The following PPARGC1A variants were observed in gnomAD, a reference collection of about 807,000 sequenced individuals.
PPARGC1A encodes the protein PPARG coactivator 1 alpha, also known as peroxisome proliferator-activated receptor gamma coactivator 1-alpha.
A neutral mutation model predicts 88.7 loss-of-function variants in PPARGC1A; 25 were observed. The ratio of observed to expected loss-of-function variants is 0.28; its 90% CI spans 0.21 to 0.39. PPARGC1A has a LOEUF of 0.39. Ranked by LOEUF, PPARGC1A falls within the 10% of genes least tolerant of loss-of-function variation. PPARGC1A has a pLI of 1.00. For synonymous variants in PPARGC1A, 363 were observed against 355.6 expected, an observed-to-expected ratio of 1.02 and a Z score of -0.24; for missense variants, 880 against 968.7, an observed-to-expected ratio of 0.91 and a Z score of 1.22.
the PPARGC1A span, among the ~76,000 whole-genome samples, chr4:24,334,794 T>C: frequency 6.6e-6 from 1 of 152,230 alleles, no homozygotes; most frequent in African/African-American, 2.4e-5. Flanking sequence ...GTGTTCCCTA[T>C]GATGTGATAC....
At chr4:23,905,360 C>T (rs1468168896), upstream of PPARGC1A, among the ~76,000 whole-genome samples, 2 of 152,180 alleles carry the variant, frequency 1.3e-5, no homozygotes, top group African/African-American at 4.8e-5. Flanking sequence ...CATGTTATGG[C>T]TTTTCTTCCC....
rs201353657 is a variant in PPARGC1A at position 23,814,378 on chromosome 4, C to T, written c.1105G>A (p.Glu369Lys). Residue 369 changes from glutamate to lysine, a missense_variant, in exon 8 of 13, where the codon GAG (glutamate) becomes AAG (lysine). Glu to Lys is a moderately conservative substitution (Grantham distance 56, BLOSUM62 1). Transcript: ENST00000264867. Reference protein sequence around the residue: ...SKSSVLTGGHEERKTKRPSLR... With the variant: ...SKSSVLTGGHKERKTKRPSLR... ...CTGGGCCGCTTGGTCTTCCTTTCCT[C>T]GTGTCCACCAGTGAGGACTGAGGAC... The T allele has an allele frequency of 7.1e-5, 115 of 1,613,880 alleles. No homozygotes were observed. The highest frequency in any genetic ancestry group is 4.5e-5 in the East Asian group (2 of 44,838).
At chr4:24,080,822 G>A in the PPARGC1A span, among the ~76,000 whole-genome samples, 1 of 152,078 alleles carries the variant, frequency 6.6e-6, no homozygotes, top group Non-Finnish European at 1.5e-5. Context: ...GGATTTCAAC[G>A]CCACATTGAT....
chr4:24,003,820 A>T, the PPARGC1A span, among the ~76,000 whole-genome samples: 1 of 146,800 alleles, frequency 6.8e-6, no homozygotes, highest in Non-Finnish European at 1.5e-5. Flanking sequence ...GATCAGATTG[A>T]TTTTTTTTTT....
At chr4:24,097,167 G>A in the PPARGC1A span, among the ~76,000 whole-genome samples, 1 of 152,118 alleles carries the variant, frequency 6.6e-6, no homozygotes, top group Non-Finnish European at 1.5e-5. Flanking sequence ...AGTTTTCCAG[G>A]TAAATTAAAA....
At chr4:23,962,375 G>A in the PPARGC1A span, among the ~76,000 whole-genome samples, 659 of 152,206 alleles carry the variant, frequency 4.3e-3, 6 homozygotes, top group African/African-American at 0.015. Context: ...AGAAAGCTAA[G>A]GTTCAGAGAG....
the PPARGC1A span, among the ~76,000 whole-genome samples, chr4:24,135,495 C>T: frequency 6.6e-6 from 1 of 152,100 alleles, no homozygotes; most frequent in African/African-American, 2.4e-5. Flanking sequence ...GGCATTTTCT[C>T]CTCTCGTAAG....
At chr4:23,799,896 TC>T (rs888308942) in intron 12 of PPARGC1A, among the ~76,000 whole-genome samples, 1 of 152,120 alleles carries the variant, frequency 6.6e-6, no homozygotes, top group Non-Finnish European at 1.5e-5. Flanking sequence ...ATAAGTCAAA[TC>T]AACTCAAGAC....
At chr4:24,097,366 C>G in the PPARGC1A span, among the ~76,000 whole-genome samples, 1 of 152,102 alleles carries the variant, frequency 6.6e-6, no homozygotes, top group Non-Finnish European at 1.5e-5. Flanking sequence ...TTCACCTACC[C>G]ATGGGATTTT....
At chr4:23,870,240 C>T (rs1713003992) in intron 2 of PPARGC1A, among the ~76,000 whole-genome samples, 1 of 152,156 alleles carries the variant, frequency 6.6e-6, no homozygotes, top group Non-Finnish European at 1.5e-5. Context: ...GCTTAAGCAC[C>T]AAACTTTTTA....
the PPARGC1A span, among the ~76,000 whole-genome samples, chr4:23,938,418 C>T: frequency 1.3e-5 from 2 of 152,156 alleles, no homozygotes; most frequent in African/African-American, 4.8e-5. Context: ...ACTTATAATA[C>T]ATGTCATATG....
chr4:24,038,102 C>G, the PPARGC1A span, among the ~76,000 whole-genome samples: 1 of 152,202 alleles, frequency 6.6e-6, no homozygotes, highest in African/African-American at 2.4e-5. Context: ...AACTTGCCCT[C>G]TCAAACCAAC....
the PPARGC1A span, among the ~76,000 whole-genome samples, chr4:24,278,359 A>G: frequency 2.0e-5 from 3 of 152,172 alleles, no homozygotes; most frequent in Admixed American, 2.0e-4. Context: ...TAGAAAAACA[A>G]TCCATACCTT....
the PPARGC1A span, among the ~76,000 whole-genome samples, chr4:23,948,978 T>G: frequency 9.2e-5 from 14 of 152,166 alleles, no homozygotes; most frequent in South Asian, 8.3e-4. Context: ...CATAACTGGA[T>G]GTAGACTTAG....
the PPARGC1A span, among the ~76,000 whole-genome samples, chr4:23,949,081 C>A: frequency 6.6e-6 from 1 of 152,116 alleles, no homozygotes; most frequent in East Asian, 1.9e-4. Flanking sequence ...AGCTTCATAG[C>A]ACAGCACTGA....
At chr4:23,813,446 G>A (rs752627486) in intron 8 of PPARGC1A, among the ~76,000 whole-genome samples, 4 of 152,154 alleles carry the variant, frequency 2.6e-5, no homozygotes, top group Admixed American at 2.6e-4. Flanking sequence ...GGATGAGCAA[G>A]TTTCTTAACA....
the PPARGC1A span, among the ~76,000 whole-genome samples, chr4:24,195,882 A>C: frequency 1.4e-3 from 216 of 152,322 alleles, 2 homozygotes; most frequent in African/African-American, 5.1e-3. Context: ...CTCAAGCTTT[A>C]ATCACCAAAC....
chr4:24,379,650 T>A, the PPARGC1A span, among the ~76,000 whole-genome samples: 1 of 152,094 alleles, frequency 6.6e-6, no homozygotes, highest in African/African-American at 2.4e-5. Context: ...CAAATTTATC[T>A]ATGCCCTGTG....
chr4:23,978,104 C>T, the PPARGC1A span, among the ~76,000 whole-genome samples: 1 of 152,188 alleles, frequency 6.6e-6, no homozygotes, highest in Non-Finnish European at 1.5e-5. Context: ...GTCCAATTTG[C>T]ATCCTTACTA....
Sources: gnomAD v4.1 joint callset for allele counts (sites outside exome capture counted in the v4.1 genomes callset) on GRCh38, gnomAD v4.1.1 for gene constraint, MANE v1.5 for transcripts, NCBI Gene and HGNC (gene_info 2026-07-23, HGNC 2026-07-21) for gene names.